Variants in CENPP observed in about 807,000 individuals in gnomAD.
CENPP encodes centromere protein P.
In CENPP, 24 loss-of-function variants were observed where a neutral mutation model predicts 35.6. The ratio of observed to expected loss-of-function variants is 0.67; its 90% CI spans 0.49 to 0.95. CENPP has a LOEUF of 0.95. CENPP is among the 40% of genes least tolerant of loss of function. The probability of loss-of-function intolerance (pLI) is 0.00; values close to 1 mark genes in which losing one functional copy is unlikely to be tolerated. For missense variants in CENPP, 332 were observed against 345.3 expected, an observed-to-expected ratio of 0.96 and a Z score of 0.31; for synonymous variants, 120 against 125.5, an observed-to-expected ratio of 0.96 and a Z score of 0.29.
chr9:92,404,409 T>C, intron 5 of CENPP: 1 of 815,764 alleles, frequency 1.2e-6, no homozygotes, highest in Non-Finnish European at 1.7e-6. Flanking sequence ...AAACCAGAGA[T>C]GGCCTTTACA....
At chr9:92,500,486 A>C (rs1181150166) in intron 5 of CENPP, among the ~76,000 whole-genome samples, 1 of 152,236 alleles carries the variant, frequency 6.6e-6, no homozygotes, top group East Asian at 1.9e-4. Context: ...CCTGACCAAA[A>C]GATGTTTTAA....
intron 5 of CENPP, among the ~76,000 whole-genome samples, chr9:92,383,540 A>G (rs1842317536): frequency 6.6e-6 from 1 of 152,168 alleles, no homozygotes; most frequent in South Asian, 2.1e-4. Flanking sequence ...AGAATGAAAC[A>G]TTATGAATAT....
intron 5 of CENPP, among the ~76,000 whole-genome samples, chr9:92,579,591 G>C (rs945506188): frequency 6.6e-6 from 1 of 151,732 alleles, no homozygotes; most frequent in Non-Finnish European, 1.5e-5. Flanking sequence ...CTCATGATTT[G>C]GCTCTCTGTT....
At chr9:92,594,953 G>A (rs1332033509) in intron 5 of CENPP, among the ~76,000 whole-genome samples, 2 of 137,448 alleles carry the variant, frequency 1.5e-5, no homozygotes, top group Admixed American at 8.2e-5. Context: ...CTGGAGTGCA[G>A]TGACGTGATC....
rs1851426794 is a variant in CENPP at position 92,616,178 on chromosome 9, A to G, written c.*3029A>G. 1.5e-6 allele frequency: 1 copy of G among 673,820 alleles called. No homozygotes were observed. Among genetic ancestry groups the G allele is most frequent in the South Asian group, 1.9e-5 (1 of 51,932 alleles). 41.7% of individuals were successfully genotyped at this position (673,820 alleles called of 1,614,324 possible). On this transcript the variant is annotated 3_prime_UTR_variant, in exon 8 of 8. Coordinates refer to ENST00000375587, the MANE Select transcript of CENPP (RefSeq NM_001012267.3). ...TTTATGTTTTTTCTTTGACTTCTGCAAAGTTAGATAAATCAATCTCTTTTA... is the reference window on the plus strand; with the variant it reads ...TTTATGTTTTTTCTTTGACTTCTGCGAAGTTAGATAAATCAATCTCTTTTA...
chr9:92,427,058 A>G (rs1843985959), intron 5 of CENPP, among the ~76,000 whole-genome samples: 1 of 152,236 alleles, frequency 6.6e-6, no homozygotes, highest in Non-Finnish European at 1.5e-5. Flanking sequence ...AGCATTGTAC[A>G]GTACCAGAAA....
At chr9:92,451,846 A>T (rs75644630) in intron 5 of CENPP, among the ~76,000 whole-genome samples, 2 of 150,438 alleles carry the variant, frequency 1.3e-5, no homozygotes, top group Non-Finnish European at 3.0e-5. Flanking sequence ...AGGTATTTTA[A>T]TCTCTTTGAA....
chr9:92,377,898 G>A (rs1268775982), intron 4 of CENPP, among the ~76,000 whole-genome samples: 1 of 149,632 alleles, frequency 6.7e-6, no homozygotes, highest in South Asian at 2.1e-4. Flanking sequence ...TTATGTAGGG[G>A]TTATTTAGGA....
intron 5 of CENPP, among the ~76,000 whole-genome samples, chr9:92,530,407 GA>G (rs1489110714): frequency 2.6e-5 from 4 of 151,986 alleles, no homozygotes; most frequent in Non-Finnish European, 5.9e-5. Context: ...AAACTGCTTT[GA>G]AAAAAAGTCT....
intron 5 of CENPP, among the ~76,000 whole-genome samples, chr9:92,557,867 T>A (rs1391549061): frequency 2.0e-5 from 3 of 152,088 alleles, no homozygotes; most frequent in Non-Finnish European, 2.9e-5. Flanking sequence ...ATGGTCTCGA[T>A]CTCCTGACCT....
At chr9:92,459,310 T>C (rs1447740427) in intron 5 of CENPP, among the ~76,000 whole-genome samples, 1 of 152,264 alleles carries the variant, frequency 6.6e-6, no homozygotes, top group Non-Finnish European at 1.5e-5. Flanking sequence ...CATGTCCTCC[T>C]GACCAGTCCT....
intron 5 of CENPP, among the ~76,000 whole-genome samples, chr9:92,566,368 A>C (rs957646937): frequency 6.6e-6 from 1 of 152,040 alleles, no homozygotes; most frequent in African/African-American, 2.4e-5. Flanking sequence ...CAAAGGAAAA[A>C]AATAAATAAA....
chr9:92,510,042 A>T, intron 5 of CENPP: 7 of 1,586,396 alleles, frequency 4.4e-6, no homozygotes, highest in Non-Finnish European at 6.0e-6. Flanking sequence ...AAGCTTAAAA[A>T]GCAAATCTCA....
At chr9:92,525,161 A>C (rs769069524) in intron 5 of CENPP, among the ~76,000 whole-genome samples, 7 of 152,086 alleles carry the variant, frequency 4.6e-5, no homozygotes, top group Non-Finnish European at 7.4e-5. Context: ...CAACTAAAAC[A>C]TAAAAAATTA....
chr9:92,571,292 T>C (rs1850132893), intron 5 of CENPP, among the ~76,000 whole-genome samples: 2 of 152,314 alleles, frequency 1.3e-5, no homozygotes, highest in African/African-American at 2.4e-5. Context: ...TTTGTTCTCA[T>C]TGGTTTCAAA....
In CENPP at chr9:92,615,365, A is replaced by G. The variant is rs137892086; in HGVS notation, c.*2216A>G. 76 of 175,300 alleles carry G rather than the reference A, an allele frequency of 4.3e-4. 2 individuals are homozygous for G. The East Asian group carries it at 9.8e-3, about 22-fold the overall frequency. The allele number at this position is 175,300 out of a possible 1,614,324, so 10.9% of individuals were successfully genotyped here. ...GTGTTGATATGTGGCTTGCACTGAA[A>G]AAGTGACCATGTAACTCAGCTGGGG... On this transcript the variant is annotated 3_prime_UTR_variant, in exon 8 of 8. Transcript: ENST00000375587.
rs564334387 is a variant in CENPP at position 92,437,837 on chromosome 9, G to T, written c.564+57978G>T. On this transcript the variant is annotated intron_variant, in intron 5 of 7. Coordinates refer to ENST00000375587, the MANE Select transcript of CENPP (RefSeq NM_001012267.3). Reference sequence around the variant, plus strand: ...TGCAGTGGCTCAATCACAACTTACTGCAACTTTAACCTTCCAGGCTCAAGT... The same window carrying T: ...TGCAGTGGCTCAATCACAACTTACTTCAACTTTAACCTTCCAGGCTCAAGT... Among the ~76,000 whole-genome samples the T allele has an allele frequency of 2.0e-5, 3 of 151,988 alleles. No homozygotes were observed. The South Asian group carries it at 6.2e-4, about 32-fold the overall frequency.
chr9:92,484,296 C>T (rs1270663290), intron 5 of CENPP, among the ~76,000 whole-genome samples: 1 of 152,224 alleles, frequency 6.6e-6, no homozygotes, highest in African/African-American at 2.4e-5. Context: ...CCTCTTACTC[C>T]TCAAGTCACA....
intron 5 of CENPP, chr9:92,536,553 A>T (rs1588253213): frequency 6.5e-6 from 1 of 152,752 alleles, no homozygotes; most frequent in East Asian, 1.9e-4. Flanking sequence ...TCTAACCATG[A>T]AATAATAGAA....
Sources: gnomAD v4.1 joint callset for allele counts (sites outside exome capture counted in the v4.1 genomes callset) on GRCh38, gnomAD v4.1.1 for gene constraint, MANE v1.5 for transcripts, NCBI Gene and HGNC (gene_info 2026-07-23, HGNC 2026-07-21) for gene names.